TET2: variants seen among roughly 807,000 people sequenced by gnomAD.
TET2 encodes the protein tet methylcytosine dioxygenase 2.
A neutral mutation model predicts 142.9 loss-of-function variants in TET2; 299 were observed. The ratio of observed to expected loss-of-function variants is 2.09; its 90% CI spans 1.90 to 2.30. TET2 has a LOEUF of 2.30. Ranked by LOEUF, TET2 falls within the 30% of genes most tolerant of loss-of-function variation. The pLI, the probability that TET2 is intolerant of heterozygous loss-of-function variation, is 0.00. For missense variants in TET2, 2,418 were observed against 2,378.0 expected (o/e 1.02, Z -0.35); for synonymous variants, 819 against 849.0 (o/e 0.96, Z 0.61).
chr4:105,276,722 C>A lies in TET2; in HGVS notation c.*203C>A. The A allele has an allele frequency of 1.8e-6, 1 of 549,170 alleles. No homozygotes were observed. The highest frequency in any genetic ancestry group is 3.1e-6 in the Non-Finnish European group (1 of 323,874). 34.0% of individuals were successfully genotyped at this position (549,170 alleles called of 1,614,324 possible). On this transcript the variant is annotated 3_prime_UTR_variant, in exon 11 of 11. Transcript: ENST00000380013. ...CTGGCTCCCAAGTGGTCACAGATGG[C>A]ATCTAGGAAAAGACCAAAGCATTCT... is the stretch of plus-strand genomic sequence containing the variant.
chr4:105,255,629 T>C (rs761968780), intron 6 of TET2, among the ~76,000 whole-genome samples: 11 of 152,186 alleles, frequency 7.2e-5, no homozygotes, highest in Admixed American at 2.6e-4. Context: ...GCTTCATGTA[T>C]TTTGGTGCTC....
chr4:105,160,240 C>A (rs1052981600), intron 1 of TET2, among the ~76,000 whole-genome samples: 2 of 152,014 alleles, frequency 1.3e-5, no homozygotes, highest in African/African-American at 4.8e-5. Context: ...AACAACAAAG[C>A]TTTAAGTCTC....
chr4:105,276,945 C>G lies in TET2; in HGVS notation c.*426C>G, dbSNP rs1578743168. On this transcript the variant is annotated 3_prime_UTR_variant, in exon 11 of 11. Transcript: ENST00000380013. ...AACAAGTACTGTAGTATTACAGTGA[C>G]AGGAATCTTAAAATACCATCTGGTG... The G allele has an allele frequency of 4.5e-6, 1 of 224,630 alleles. No individual in the cohort carries two copies. The highest frequency in any genetic ancestry group is 6.6e-5 in the East Asian group (1 of 15,192). The allele number at this position is 224,630 out of a possible 1,614,324, so 13.9% of individuals were successfully genotyped here.
intron 6 of TET2, among the ~76,000 whole-genome samples, chr4:105,244,586 GTTTTTTTTTT>G (rs566674796): frequency 4.5e-5 from 3 of 66,696 alleles, no homozygotes; most frequent in African/African-American, 8.2e-5. Context: ...ACACAGAAAT[GTTTTTTTTTT>G]TTTTTTTTTT....
chr4:105,190,554 T>G (rs989537672), intron 2 of TET2, 49 bp downstream of exon 2: 15 of 692,244 alleles, frequency 2.2e-5, no homozygotes, highest in Non-Finnish European at 3.7e-5. Context: ...ATGAATTTAT[T>G]CCTAATGTAA....
intron 1 of TET2, among the ~76,000 whole-genome samples, chr4:105,162,005 T>TA (rs780048416): frequency 1.3e-5 from 2 of 152,252 alleles, no homozygotes; most frequent in Non-Finnish European, 2.9e-5. Flanking sequence ...TAGACTATAG[T>TA]AAAAGTTTCT....
chr4:105,202,294 A>C (rs1404897676), intron 2 of TET2: 1 of 152,190 alleles, frequency 6.6e-6, no homozygotes, highest in Non-Finnish European at 1.5e-5. Context: ...TGAATAACTG[A>C]TGCTGAAAAT....
chr4:105,167,965 C>T (rs1724252464), intron 1 of TET2, among the ~76,000 whole-genome samples: 1 of 152,202 alleles, frequency 6.6e-6, no homozygotes, highest in Non-Finnish European at 1.5e-5. Flanking sequence ...GATCCTCCAA[C>T]ATGTTCTGTT....
At chr4:105,210,472 T>C (rs1171662867) in intron 2 of TET2, among the ~76,000 whole-genome samples, 2 of 152,140 alleles carry the variant, frequency 1.3e-5, no homozygotes, top group Non-Finnish European at 2.9e-5. Flanking sequence ...TTAACACAGT[T>C]CACAATTTTC....
chr4:105,231,111 C>G (rs974559330), intron 2 of TET2, among the ~76,000 whole-genome samples: 1 of 152,088 alleles, frequency 6.6e-6, no homozygotes, highest in Non-Finnish European at 1.5e-5. Flanking sequence ...CAAACACAAA[C>G]TATTTTAAGT....
rs570897116 is a variant in TET2 at position 105,169,989 on chromosome 4, T to TA, written c.-192-20370dup. On this transcript the variant is annotated intron_variant, in intron 1 of 10. Transcript: ENST00000380013. ...TGCTGTTTTGGTGTCTATGGCCTTC[T>TA]AGTATAAAGTCAGGTAATGTGATTC... Among the ~76,000 whole-genome samples the TA allele has an allele frequency of 7.5e-3, 1,138 of 152,282 alleles. 7 individuals are homozygous for TA. Among genetic ancestry groups the TA allele is most frequent in the Non-Finnish European group, 0.012 (807 of 68,000 alleles).
In TET2 at chr4:105,233,951, G is replaced by T. The variant is rs183431550; in HGVS notation, c.9G>T (p.Gln3His). MEQDRTNHVEGNR... is the reference protein window; with the variant it reads MEHDRTNHVEGNR... ...GCCCCGAAGCAAGCCTGATGGAACA[G>T]GATAGAACCAACCATGTTGAGGGCA... Residue 3 changes from glutamine (Q) to histidine (H), a missense_variant, in exon 3 of 11, where the codon CAG (glutamine) becomes CAT (histidine). Coordinates refer to ENST00000380013, the MANE Select transcript of TET2 (RefSeq NM_001127208.3). 1 of 1,613,700 alleles carries T rather than the reference G, an allele frequency of 6.2e-7. No individual in the cohort carries two copies.
intron 2 of TET2, among the ~76,000 whole-genome samples, chr4:105,212,819 G>C (rs945456636): frequency 2.0e-5 from 3 of 152,048 alleles, no homozygotes; most frequent in Non-Finnish European, 4.4e-5. Context: ...GTGAAACCCT[G>C]TCTCTACTAA....
intron 1 of TET2, among the ~76,000 whole-genome samples, chr4:105,187,070 C>T (rs1725501017): frequency 6.6e-6 from 1 of 152,162 alleles, no homozygotes; most frequent in South Asian, 2.1e-4. Flanking sequence ...TAGTGACACT[C>T]ATGTCCTCCA....
chr4:105,186,351 G>A (rs1031773001), intron 1 of TET2, among the ~76,000 whole-genome samples: 48 of 151,802 alleles, frequency 3.2e-4, no homozygotes, highest in African/African-American at 1.1e-3. Flanking sequence ...CTTAACCTCT[G>A]TCTTCAGCAC....
At position 105,236,278 on chromosome 4, in the gene TET2, CTA is replaced by C; in HGVS notation, c.2337_2338del (p.Lys780SerfsTer8). 6.2e-7 allele frequency: 1 copy of C among 1,614,052 alleles called. No homozygotes were observed. Among genetic ancestry groups the C allele is most frequent in the Non-Finnish European group, 8.5e-7 (1 of 1,180,000 alleles). On this transcript the variant is annotated frameshift_variant, in exon 3 of 11. Coordinates refer to ENST00000380013, the MANE Select transcript of TET2 (RefSeq NM_001127208.3). LOFTEE classifies it high-confidence loss of function. The stretch of plus-strand genomic sequence containing the variant: ...AGAGAAGGATCATTCTTTGGCCAGA[CTA>C]AAGTGGAAGAATGTTTTCATGGTGA...
At chr4:105,206,507 C>T (rs990550865) in intron 2 of TET2, among the ~76,000 whole-genome samples, 3 of 152,180 alleles carry the variant, frequency 2.0e-5, no homozygotes, top group African/African-American at 4.8e-5. Flanking sequence ...TTAGTTTTGT[C>T]TATCACAGCC....
Position 105,276,239 on chromosome 4 carries a change from C to T in TET2, c.5729C>T (p.Pro1910Leu), listed in dbSNP as rs1731217629. 6.4e-7 allele frequency: 1 copy of T among 1,551,432 alleles called. No homozygotes were observed. The highest frequency in any genetic ancestry group is 2.0e-5 in the Admixed American group (1 of 50,974). Residue 1910 changes from proline (P) to leucine (L), a missense_variant, in exon 11 of 11, where the codon CCA becomes CTA. Pro to Leu is a moderately conservative substitution (Grantham distance 98, BLOSUM62 -3). Transcript: ENST00000380013. ...VFYQHKSMNE[P>L]KHGLALWEAK... ...TACCAGCATAAGAGCATGAATGAGCCAAAACATGGCTTGGCTCTTTGGGAA... is the reference window on the plus strand; with the variant it reads ...TACCAGCATAAGAGCATGAATGAGCTAAAACATGGCTTGGCTCTTTGGGAA...
chr4:105,206,150 T>A (rs1019214568), intron 2 of TET2, among the ~76,000 whole-genome samples: 3 of 152,218 alleles, frequency 2.0e-5, no homozygotes, highest in Non-Finnish European at 2.9e-5. Context: ...AACAGCTCTA[T>A]CCCACTGGGA....
Sources: allele counts gnomAD v4.1 joint callset (sites outside exome capture counted in the v4.1 genomes callset), GRCh38; gene constraint gnomAD v4.1.1; transcripts MANE v1.5; gene names NCBI Gene and HGNC (gene_info 2026-07-23, HGNC 2026-07-21).